Variants in SRFBP1 observed in about 807,000 individuals in gnomAD.
The protein encoded by SRFBP1 is serum response factor binding protein 1.
SRFBP1 carries 47 observed loss-of-function variants against 45.5 expected under a neutral mutation model. The observed-to-expected ratio is 1.03, with a 90% CI of 0.82 to 1.32. The LOEUF (loss-of-function observed/expected upper bound fraction) is 1.32, where lower values mean the gene tolerates loss of function less well. SRFBP1 is among the 40% of genes most tolerant of loss of function. The pLI is 0.00. For synonymous variants in SRFBP1, 203 were observed against 166.3 expected, an observed-to-expected ratio of 1.22 and a Z score of -1.70; for missense variants, 621 against 484.6, an observed-to-expected ratio of 1.28 and a Z score of -2.64.
intron 4 of SRFBP1, among the ~76,000 whole-genome samples, chr5:122,008,560 A>G (rs528091256): frequency 1.3e-4 from 20 of 152,024 alleles, no homozygotes; most frequent in Admixed American, 1.1e-3. Context: ...TACTCTCTTC[A>G]ATGTGTTTTT....
chr5:122,077,603 C>T (rs762591254), downstream of SRFBP1: 19 of 1,612,312 alleles, frequency 1.2e-5, no homozygotes, highest in Non-Finnish European at 1.4e-5. The surrounding 1 kb of genome is among the most constrained non-coding windows in gnomAD (Gnocchi z 4.9). Flanking sequence ...TGTCGAGTAG[C>T]CAGCTTGGAA....
At chr5:121,978,558 C>A (rs1307825609) in intron 3 of SRFBP1, among the ~76,000 whole-genome samples, 1 of 152,042 alleles carries the variant, frequency 6.6e-6, no homozygotes, top group Non-Finnish European at 1.5e-5. Context: ...GTGACCCGAT[C>A]TCTGCTCACT....
chr5:122,069,360 T>C (rs1313038174), intron 2 of SRFBP1, among the ~76,000 whole-genome samples: 2 of 152,036 alleles, frequency 1.3e-5, no homozygotes, highest in Non-Finnish European at 2.9e-5. Flanking sequence ...CCAGCAACAC[T>C]TGGGGAGGTA....
At chr5:122,026,286 CT>C (rs1177190250) in intron 7 of SRFBP1, among the ~76,000 whole-genome samples, 2 of 152,144 alleles carry the variant, frequency 1.3e-5, no homozygotes, top group Admixed American at 6.5e-5. Flanking sequence ...CCAAATAAGA[CT>C]TGGTTCAAAA....
At chr5:122,044,252 T>C (rs1251458866) in intron 2 of SRFBP1, among the ~76,000 whole-genome samples, 1 of 152,228 alleles carries the variant, frequency 6.6e-6, no homozygotes, top group Non-Finnish European at 1.5e-5. Context: ...AGTCTAACAT[T>C]GGTGATCATT....
intron 3 of SRFBP1, among the ~76,000 whole-genome samples, chr5:121,981,850 A>G (rs1752414962): frequency 6.6e-6 from 1 of 152,024 alleles, no homozygotes; most frequent in African/African-American, 2.4e-5. Flanking sequence ...CTGCTTAGTC[A>G]GAACTTCTTA....
At chr5:122,058,861 C>T (rs1754127534) in intron 2 of SRFBP1, among the ~76,000 whole-genome samples, 1 of 152,054 alleles carries the variant, frequency 6.6e-6, no homozygotes, top group South Asian at 2.1e-4. Context: ...GTGAAATGAG[C>T]ATTATTTATT....
At chr5:122,032,841 G>T (rs538751549), downstream of SRFBP1, among the ~76,000 whole-genome samples, 1 of 152,290 alleles carries the variant, frequency 6.6e-6, no homozygotes, top group African/African-American at 2.4e-5. Flanking sequence ...ATGTAGTTTT[G>T]TTGAAAATTG....
At chr5:122,021,668 C>CTTTT (rs912072262) in intron 6 of SRFBP1, among the ~76,000 whole-genome samples, 19 of 96,954 alleles carry the variant, frequency 2.0e-4, no homozygotes, top group Non-Finnish European at 2.6e-4. Context: ...AAATATAAAT[C>CTTTT]TTTTTTTTTT....
intron 2 of SRFBP1, chr5:122,065,905 G>T (rs543229514): frequency 2.5e-4 from 38 of 152,142 alleles, no homozygotes; most frequent in African/African-American, 8.2e-4. Context: ...TCATCAAAAT[G>T]ACTTTCCAGT....
At chr5:122,040,614 C>T (rs1306315419) in intron 2 of SRFBP1, among the ~76,000 whole-genome samples, 1 of 152,084 alleles carries the variant, frequency 6.6e-6, no homozygotes, top group Non-Finnish European at 1.5e-5. Flanking sequence ...TTCACATACA[C>T]CAACAAACAA....
chr5:122,023,638 C>CT (rs1296556895), intron 7 of SRFBP1, among the ~76,000 whole-genome samples: 2 of 152,100 alleles, frequency 1.3e-5, no homozygotes, highest in Non-Finnish European at 2.9e-5. Flanking sequence ...TAGGGAGGGT[C>CT]TTTGTTTCGT....
intron 2 of SRFBP1, among the ~76,000 whole-genome samples, chr5:122,056,717 T>C (rs1580548345): frequency 6.6e-6 from 1 of 152,210 alleles, no homozygotes; most frequent in South Asian, 2.1e-4. Flanking sequence ...CTTGTTAGAC[T>C]TGTAGCTGTC....
chr5:122,012,467 T>C (rs541172870), intron 4 of SRFBP1, among the ~76,000 whole-genome samples: 4 of 152,232 alleles, frequency 2.6e-5, no homozygotes, highest in Admixed American at 6.5e-5. Context: ...AAATTTAGTA[T>C]TTATGAAACA....
At chr5:122,039,706 C>T (rs964587079) in intron 2 of SRFBP1, among the ~76,000 whole-genome samples, 1 of 152,024 alleles carries the variant, frequency 6.6e-6, no homozygotes, top group African/African-American at 2.4e-5. Context: ...TTGAGCAGAT[C>T]CTCCCAAGTC....
At chr5:122,061,078 G>A (rs937512863) in intron 2 of SRFBP1, among the ~76,000 whole-genome samples, 8 of 152,102 alleles carry the variant, frequency 5.3e-5, no homozygotes, top group Middle Eastern at 3.4e-3. Context: ...TCCAATATTA[G>A]CTGTGTGGCA....
At chr5:121,966,964 T>TTTTTTG (rs1424438794) in intron 1 of SRFBP1, among the ~76,000 whole-genome samples, 1 of 147,790 alleles carries the variant, frequency 6.8e-6, no homozygotes, top group Non-Finnish European at 1.5e-5. Flanking sequence ...TTTTTTTTTT[T>TTTTTTG]TTGTATTTTT....
chr5:122,033,710 CAG>C (rs1753628022), intron 2 of SRFBP1, among the ~76,000 whole-genome samples: 1 of 151,940 alleles, frequency 6.6e-6, no homozygotes, highest in Non-Finnish European at 1.5e-5. Flanking sequence ...CTACCTGCCT[CAG>C]ACTCCCAGAG....
intron 2 of SRFBP1, among the ~76,000 whole-genome samples, chr5:122,057,459 CTGTGTGTGTGTGTGTG>C (rs3028227): frequency 2.0e-5 from 3 of 146,524 alleles, no homozygotes; most frequent in Non-Finnish European, 3.0e-5. Context: ...GTTCTCAGTT[CTGTGTGTGTGTGTGTG>C]TGTGTGTGTG....
Sources: allele counts gnomAD v4.1 joint callset (sites outside exome capture counted in the v4.1 genomes callset), GRCh38; gene constraint gnomAD v4.1.1; non-coding constraint Gnocchi (gnomAD v3.1); transcripts MANE v1.5; gene names NCBI Gene and HGNC (gene_info 2026-07-23, HGNC 2026-07-21).